Variants in GDA observed in about 807,000 individuals in gnomAD.
The protein encoded by GDA is cytoplasmic PSD-95 interactor.
Under a neutral mutation model 59.6 loss-of-function variants are expected in GDA, and 18 were observed. That is an observed-to-expected ratio of 0.30 (90% CI 0.21 to 0.45). GDA has a LOEUF of 0.45. Ranked by LOEUF, GDA falls within the 20% of genes least tolerant of loss-of-function variation. GDA has a pLI of 1.00. For missense variants in GDA, 427 were observed against 552.3 expected, an observed-to-expected ratio of 0.77 and a Z score of 2.27; for synonymous variants, 201 against 201.1, an observed-to-expected ratio of 1.00 and a Z score of 0.00.
chr9:72,133,499 T>C (rs1274398634), intron 1 of GDA, among the ~76,000 whole-genome samples: 1 of 152,092 alleles, frequency 6.6e-6, no homozygotes, highest in South Asian at 2.1e-4. Context: ...CCTTGATCTA[T>C]GTGAACTTTG....
intron 1 of GDA, among the ~76,000 whole-genome samples, chr9:72,194,360 G>C (rs977655905): frequency 6.6e-6 from 1 of 152,060 alleles, no homozygotes; most frequent in Non-Finnish European, 1.5e-5. Context: ...TTTCCTTCAA[G>C]GCATCAGGTT....
In GDA at chr9:72,115,032, A is replaced by T. The variant is rs553341379; in HGVS notation, c.-100+199A>T. ...TGGCCTTAACCCACCCTGTGGATTG[A>T]GCAAGTAGGAGTTTGTGTATGATCT... is the stretch of plus-strand genomic sequence containing the variant. On this transcript the variant is annotated intron_variant, in intron 1 of 13. Coordinates refer to the GDA transcript ENST00000545168. Among the ~76,000 whole-genome samples the T allele has an allele frequency of 5.9e-5, 9 of 152,302 alleles. 1 individual carries two copies. In the South Asian group the frequency reaches 1.9e-3, roughly 32 times the overall value.
chr9:72,136,850 C>T (rs1446605888), intron 1 of GDA, among the ~76,000 whole-genome samples: 2 of 152,068 alleles, frequency 1.3e-5, no homozygotes, highest in Non-Finnish European at 2.9e-5. Flanking sequence ...TGGCAGGTGC[C>T]TGTAGTCCCA....
chr9:72,142,325 A>G (rs529848755), intron 1 of GDA, among the ~76,000 whole-genome samples: 2 of 152,266 alleles, frequency 1.3e-5, no homozygotes, highest in Admixed American at 6.5e-5. Flanking sequence ...ATAAAGAAGT[A>G]TGGAAACTGG....
In GDA at chr9:72,244,171, C is replaced by T. The variant is rs141072179; in HGVS notation, c.1136-977C>T. 2.9e-3 allele frequency among the ~76,000 whole-genome samples: 435 copies of T among 148,980 alleles called. 1 individual carries two copies. The highest frequency in any genetic ancestry group is 0.01 in the African/African-American group (417 of 40,470). On this transcript the variant is annotated intron_variant, in intron 11 of 13. Coordinates refer to ENST00000358399, the MANE Select transcript of GDA (RefSeq NM_004293.5). The stretch of plus-strand genomic sequence containing the variant: ...CAGCCTAGGCGACAGAGCAAGACTC[C>T]GTCTCAAAAAAAAAAAAAAGAAAGA...
intron 9 of GDA, among the ~76,000 whole-genome samples, chr9:72,230,531 A>G (rs764994817): frequency 8.0e-5 from 12 of 150,878 alleles, no homozygotes; most frequent in Non-Finnish European, 1.5e-4. Context: ...TGGCTGGCAC[A>G]TCTCTTTAGC....
At chr9:72,150,513 G>A (rs190066663) in intron 1 of GDA, among the ~76,000 whole-genome samples, 94 of 152,294 alleles carry the variant, frequency 6.2e-4, no homozygotes, top group Admixed American at 1.6e-3. Context: ...CACACATATA[G>A]TGACTATATC....
At position 72,124,160 on chromosome 9, in the gene GDA, A is replaced by T. The variant is rs182563180; in HGVS notation, c.-100+9327A>T. 5.7e-3 allele frequency among the ~76,000 whole-genome samples: 856 copies of T among 151,046 alleles called. 2 individuals carry two copies. Among genetic ancestry groups the T allele is most frequent in the Non-Finnish European group, 9.0e-3 (611 of 68,036 alleles). Reference sequence around the variant, plus strand: ...GAAAAGAAAAGAACTTTTCCAGGCTATATAGTGGAAACCACCTATGCCCTT... The same window carrying T: ...GAAAAGAAAAGAACTTTTCCAGGCTTTATAGTGGAAACCACCTATGCCCTT... On this transcript the variant is annotated intron_variant, in intron 1 of 13. Transcript: ENST00000545168.
At chr9:72,217,535 A>T (rs1408593241) in intron 5 of GDA, among the ~76,000 whole-genome samples, 1 of 152,242 alleles carries the variant, frequency 6.6e-6, no homozygotes, top group African/African-American at 2.4e-5. Context: ...GGGTTTGTCC[A>T]ACTTGAATGT....
At chr9:72,134,271 T>G (rs1826141037) in intron 1 of GDA, among the ~76,000 whole-genome samples, 1 of 152,190 alleles carries the variant, frequency 6.6e-6, no homozygotes, top group African/African-American at 2.4e-5. Context: ...TTTATCACAA[T>G]TCCTTCATCT....
rs1177184769 is a variant in GDA, at chr9:72,252,186, G to T, written c.*3844G>T. On this transcript the variant is annotated 3_prime_UTR_variant, in exon 14 of 14. Coordinates refer to ENST00000358399, the MANE Select transcript of GDA (RefSeq NM_004293.5). ...TATTGTGCTGAGTGAGCTCCTGTGT[G>T]CTTCAGACAAAAATAAATGAGACTT... The T allele has an allele frequency of 6.6e-6, 1 of 152,522 alleles. No homozygotes were observed. Among genetic ancestry groups the T allele is most frequent in the Non-Finnish European group, 1.5e-5 (1 of 68,012 alleles). The allele number at this position is 152,522 out of a possible 1,614,324, so 9.4% of individuals were successfully genotyped here.
chr9:72,191,402 A>G (rs1220896540), intron 1 of GDA, among the ~76,000 whole-genome samples: 2 of 152,166 alleles, frequency 1.3e-5, no homozygotes, highest in African/African-American at 4.8e-5. Context: ...TCTAACCTCG[A>G]CAAGGAAAAT....
intron 1 of GDA, among the ~76,000 whole-genome samples, chr9:72,192,222 C>CTT (rs1832639162): frequency 1.0e-5 from 1 of 97,524 alleles, no homozygotes; most frequent in African/African-American, 4.1e-5. Context: ...TTTCAAATAG[C>CTT]CTTTTTTTTT....
chr9:72,147,732 T>A (rs571155320), upstream of GDA, among the ~76,000 whole-genome samples: 7 of 152,264 alleles, frequency 4.6e-5, no homozygotes, highest in Middle Eastern at 3.4e-3. Context: ...GAATCCTATC[T>A]CAAAAGCCAT....
At chr9:72,154,838 G>A (rs890057890) in intron 1 of GDA, among the ~76,000 whole-genome samples, 3 of 152,174 alleles carry the variant, frequency 2.0e-5, no homozygotes, top group Admixed American at 6.5e-5. Context: ...CTGCACTTTG[G>A]CACGGGAGCT....
chr9:72,121,582 A>C (rs778208155), intron 1 of GDA, among the ~76,000 whole-genome samples: 19 of 152,174 alleles, frequency 1.2e-4, no homozygotes, highest in Non-Finnish European at 2.5e-4. Flanking sequence ...GGGTGACAAG[A>C]GCGAAAGTCA....
chr9:72,222,304 A>C (rs986050156), intron 6 of GDA, among the ~76,000 whole-genome samples: 4 of 152,160 alleles, frequency 2.6e-5, no homozygotes, highest in African/African-American at 9.7e-5. Context: ...TATTTCTCTA[A>C]TGATCAGTGA....
chr9:72,214,029 A>T (rs1420026328), intron 5 of GDA, 38 bp downstream of exon 5: 3 of 1,117,744 alleles, frequency 2.7e-6, no homozygotes, highest in Non-Finnish European at 4.1e-6. Flanking sequence ...CTTACAGGTG[A>T]ATTCCTGTGC....
intron 10 of GDA, 89 bp downstream of exon 10, chr9:72,231,270 T>TAA: frequency 1.4e-6 from 1 of 715,294 alleles, no homozygotes; most frequent in Non-Finnish European, 2.5e-6. Context: ...ACTGTTCTGT[T>TAA]TAAAAAAAAA....
Sources: allele counts gnomAD v4.1 joint callset (sites outside exome capture counted in the v4.1 genomes callset), GRCh38; gene constraint gnomAD v4.1.1; transcripts MANE v1.5; gene names NCBI Gene and HGNC (gene_info 2026-07-23, HGNC 2026-07-21).